ADRA1D: variants seen among roughly 807,000 people sequenced by gnomAD.
ADRA1D encodes alpha-1D adrenergic receptor.
In ADRA1D, 22 loss-of-function variants were observed where a neutral mutation model predicts 18.6. The observed-to-expected ratio is 1.19, with a 90% CI of 0.85 to 1.69. The LOEUF is 1.69. Among genes scored for constraint, ADRA1D ranks in the 40% most tolerant of loss-of-function variants. The pLI is 0.00. For missense variants in ADRA1D, 840 were observed against 840.7 expected (o/e 1.00, Z 0.01); for synonymous variants, 376 against 388.2 (o/e 0.97, Z 0.37).
intron 1 of ADRA1D, among the ~76,000 whole-genome samples, chr20:4,243,018 G>A (rs1981253647): frequency 6.6e-6 from 1 of 152,112 alleles, no homozygotes; most frequent in South Asian, 2.1e-4. Flanking sequence ...GGAGGCTCCC[G>A]GGAGAGGAGG....
At chr20:4,238,876 G>A (rs1282247461) in intron 1 of ADRA1D, among the ~76,000 whole-genome samples, 1 of 152,092 alleles carries the variant, frequency 6.6e-6, no homozygotes, top group Non-Finnish European at 1.5e-5. Flanking sequence ...GACGGCAAGA[G>A]AGGATGAAGC....
chr20:4,227,464 C>A (rs1021021924), intron 1 of ADRA1D, among the ~76,000 whole-genome samples: 1 of 152,116 alleles, frequency 6.6e-6, no homozygotes, highest in Admixed American at 6.6e-5. Flanking sequence ...AAAGGCTAAG[C>A]TCTTCCTACC....
Position 4,248,147 on chromosome 20 carries a change from C to T in ADRA1D, c.811G>A (p.Val271Met), listed in dbSNP as rs751553058. ...CSFYLPMAVI[V>M]VMYCRVYVVA... ...ACGTACACGCGGCAGTACATGACCA[C>T]GATGACCGCCATGGGCAGGTAGAAG... Residue 271 changes from valine to methionine, a missense_variant, in exon 1 of 2, where the codon GTG (valine) becomes ATG (methionine). Val to Met is a conservative substitution (Grantham distance 21). Coordinates refer to ENST00000379453, the MANE Select transcript of ADRA1D (RefSeq NM_000678.4). The T allele has an allele frequency of 4.9e-5, 78 of 1,576,120 alleles. No homozygotes were observed. The highest frequency in any genetic ancestry group is 6.5e-5 in the Non-Finnish European group (76 of 1,160,974).
chr20:4,224,565 A>G (rs965672353), intron 1 of ADRA1D, among the ~76,000 whole-genome samples: 3 of 151,780 alleles, frequency 2.0e-5, no homozygotes, highest in Non-Finnish European at 4.4e-5. Context: ...TCCATCCTGG[A>G]TAGAGGCTGC....
Position 4,222,233 on chromosome 20 carries a change from T to C in ADRA1D, c.1112-103A>G, listed in dbSNP as rs1980691217. 1.4e-6 allele frequency: 2 copies of C among 1,478,480 alleles called. No homozygotes were observed. Among genetic ancestry groups the C allele is most frequent in the Admixed American group, 2.3e-5 (1 of 43,520 alleles). The allele number at this position is 1,478,480 out of a possible 1,614,324, so 91.6% of individuals were successfully genotyped here. Reference sequence around the variant, plus strand: ...CCCTTCAGTAGCCTTGGCTGAGTCATTGACTAGGAGTTCTCAAGGGATCCG... The same window carrying C: ...CCCTTCAGTAGCCTTGGCTGAGTCACTGACTAGGAGTTCTCAAGGGATCCG... On this transcript the variant is annotated intron_variant, in intron 1 of 1. Coordinates refer to ENST00000379453, the MANE Select transcript of ADRA1D (RefSeq NM_000678.4). The surrounding 1 kb of genome is among the most constrained non-coding windows in gnomAD (Gnocchi z 4.3).
rs555683235 is a variant in ADRA1D at position 4,233,226 on chromosome 20, C to T, written c.1112-11096G>A. 1.1e-4 allele frequency among the ~76,000 whole-genome samples: 16 copies of T among 152,062 alleles called. No homozygotes were observed. The South Asian group carries it at 1.2e-3, about 12-fold the overall frequency. ...TATAAATCCCAGCACTTTGGGAAGC[C>T]GAAGTAGGTGAATCTCTTGAGCCCA... On this transcript the variant is annotated intron_variant, in intron 1 of 1. Coordinates refer to ENST00000379453, the MANE Select transcript of ADRA1D (RefSeq NM_000678.4).
chr20:4,221,453 A>G lies in ADRA1D; in HGVS notation c.*70T>C. 1 of 1,499,224 alleles carries G rather than the reference A, an allele frequency of 6.7e-7. No homozygotes were observed. Among genetic ancestry groups the G allele is most frequent in the South Asian group, 1.3e-5 (1 of 76,184 alleles). The allele number at this position is 1,499,224 out of a possible 1,614,324, so 92.9% of individuals were successfully genotyped here. On this transcript the variant is annotated 3_prime_UTR_variant, in exon 2 of 2. Transcript: ENST00000379453. ...TCCGATTTGCACGGGGGCTCTTAGA[A>G]CACCAGCCCGCCTCTCTGGTCCCCC...
chr20:4,243,945 G>A (rs1358728750), intron 1 of ADRA1D, among the ~76,000 whole-genome samples: 1 of 152,150 alleles, frequency 6.6e-6, no homozygotes, highest in African/African-American at 2.4e-5. Context: ...TGGATTTTAG[G>A]TGCCCACATC....
intron 1 of ADRA1D, among the ~76,000 whole-genome samples, chr20:4,226,696 G>A (rs1285496653): frequency 3.3e-5 from 5 of 152,182 alleles, no homozygotes; most frequent in Admixed American, 1.3e-4. Flanking sequence ...ACAGAATTTG[G>A]CCCTCATGCA....
chr20:4,239,253 A>C lies in ADRA1D; in HGVS notation c.1111+8594T>G, dbSNP rs2122671828. 6.6e-6 allele frequency among the ~76,000 whole-genome samples: 1 copy of C among 152,270 alleles called. No individual in the cohort carries two copies. The highest frequency in any genetic ancestry group is 1.9e-4 in the East Asian group (1 of 5,164). On this transcript the variant is annotated intron_variant, in intron 1 of 1. Coordinates refer to ENST00000379453, the MANE Select transcript of ADRA1D (RefSeq NM_000678.4). The surrounding 1 kb of genome is among the most constrained non-coding windows in gnomAD (Gnocchi z 4.9). The stretch of plus-strand genomic sequence containing the variant: ...AAAACAGTGTGATTCTGATGCCCAG[A>C]TCTTTAATGAATGGAGCAGGGTGAT...
chr20:4,234,511 G>A (rs1409502590), intron 1 of ADRA1D, among the ~76,000 whole-genome samples: 1 of 152,202 alleles, frequency 6.6e-6, no homozygotes, highest in Non-Finnish European at 1.5e-5. Flanking sequence ...TGTCCACAGA[G>A]ATACACAGGA....
chr20:4,225,413 C>CT (rs796944639), intron 1 of ADRA1D, among the ~76,000 whole-genome samples: 9 of 126,308 alleles, frequency 7.1e-5, no homozygotes, highest in South Asian at 2.6e-4. Flanking sequence ...GTAGCTATTA[C>CT]TTTTTTTTTT....
chr20:4,243,386 T>G (rs1981263640), intron 1 of ADRA1D, among the ~76,000 whole-genome samples: 1 of 152,038 alleles, frequency 6.6e-6, no homozygotes, highest in African/African-American at 2.4e-5. Flanking sequence ...GAGGGCAGAT[T>G]TAGACAATTC....
At position 4,245,680 on chromosome 20, in the gene ADRA1D, G is replaced by A. The variant is rs573053888; in HGVS notation, c.1111+2167C>T. Reference sequence around the variant, plus strand: ...GGAGCTGGCATTCTACACAGGTTGGGCGTTCCCTACAGGGGCCCAGTGTGA... The same window carrying A: ...GGAGCTGGCATTCTACACAGGTTGGACGTTCCCTACAGGGGCCCAGTGTGA... On this transcript the variant is annotated intron_variant, in intron 1 of 1. Transcript: ENST00000379453. Among the ~76,000 whole-genome samples the A allele has an allele frequency of 3.9e-5, 6 of 152,314 alleles. No individual in the cohort carries two copies. In the South Asian group the frequency reaches 1.2e-3, roughly 32 times the overall value.
chr20:4,231,070 C>T lies in ADRA1D; in HGVS notation c.1112-8940G>A, dbSNP rs1600847670. The stretch of plus-strand genomic sequence containing the variant: ...TCTTTCTTTCTTTCTTTCTTTCTCT[C>T]TCTCTCTCTCTCTTTTCTTTTCTTT... On this transcript the variant is annotated intron_variant, in intron 1 of 1. Transcript: ENST00000379453. Among the ~76,000 whole-genome samples the T allele has an allele frequency of 1.3e-4, 12 of 94,338 alleles. No homozygotes were observed. In the South Asian group the frequency reaches 2.2e-3, roughly 18 times the overall value. The allele number at this position is 94,338 out of a possible 152,430, so 61.9% of individuals were successfully genotyped here.
At chr20:4,238,886 C>A (rs527867927) in intron 1 of ADRA1D, among the ~76,000 whole-genome samples, 1 of 152,068 alleles carries the variant, frequency 6.6e-6, no homozygotes, top group Non-Finnish European at 1.5e-5. Flanking sequence ...GAGGATGAAG[C>A]AACAGATCAT....
At chr20:4,231,599 G>A (rs1425949645) in intron 1 of ADRA1D, among the ~76,000 whole-genome samples, 6 of 152,168 alleles carry the variant, frequency 3.9e-5, no homozygotes, top group East Asian at 1.9e-4. Context: ...GGGAGCTGAC[G>A]CTTTCCGAGT....
Position 4,248,441 on chromosome 20 carries a change from C to T in ADRA1D, c.517G>A (p.Ala173Thr), listed in dbSNP as rs1409272082. The T allele has an allele frequency of 2.5e-6, 4 of 1,611,952 alleles. No homozygotes were observed. The African/African-American group carries it at 5.3e-5, about 22-fold the overall frequency. Reference protein sequence around the residue: ...AFGRAFCDVWAAVDVLCCTAS... With the variant: ...AFGRAFCDVWTAVDVLCCTAS... Reference sequence around the variant, plus strand: ...GTGCAGCACAGCACGTCCACGGCGGCCCATACGTCGCAGAAGGCGCGGCCA... The same window carrying T: ...GTGCAGCACAGCACGTCCACGGCGGTCCATACGTCGCAGAAGGCGCGGCCA... Residue 173 changes from alanine to threonine, a missense_variant, in exon 1 of 2, where the codon GCC becomes ACC. Physicochemically the swap from Ala to Thr is moderately conservative, Grantham distance 58. Coordinates refer to ENST00000379453, the MANE Select transcript of ADRA1D (RefSeq NM_000678.4).
chr20:4,224,080 T>G (rs1470805164), intron 1 of ADRA1D, among the ~76,000 whole-genome samples: 1 of 152,156 alleles, frequency 6.6e-6, no homozygotes, highest in Non-Finnish European at 1.5e-5. Context: ...GTCCTGGGAA[T>G]ATCCTATAGG....
Sources: gnomAD v4.1 joint callset for allele counts (sites outside exome capture counted in the v4.1 genomes callset) on GRCh38, gnomAD v4.1.1 for gene constraint, Gnocchi (gnomAD v3.1) non-coding constraint, MANE v1.5 for transcripts, NCBI Gene and HGNC (gene_info 2026-07-23, HGNC 2026-07-21) for gene names.